Variants in MARCHF1 observed in about 807,000 individuals in gnomAD.
The protein encoded by MARCHF1 is E3 ubiquitin-protein ligase MARCHF1.
A neutral mutation model predicts 54.2 loss-of-function variants in MARCHF1; 40 were observed. That is an observed-to-expected ratio of 0.74 (90% CI 0.57 to 0.96). The LOEUF (loss-of-function observed/expected upper bound fraction) is 0.96. Ranked by LOEUF, MARCHF1 falls within the 40% of genes least tolerant of loss-of-function variation. MARCHF1 has a pLI of 0.00. For synonymous variants in MARCHF1, 236 were observed against 236.3 expected (o/e 1.00, Z 0.01); for missense variants, 586 against 656.5 (o/e 0.89, Z 1.17).
At chr4:164,022,692 C>A (rs866996147) in intron 2 of MARCHF1, among the ~76,000 whole-genome samples, 39 of 152,192 alleles carry the variant, frequency 2.6e-4, no homozygotes, top group Admixed American at 2.6e-3. Flanking sequence ...CGGCGGAGTG[C>A]GGCCATAGCT....
At chr4:164,052,296 G>T (rs1754389318) in intron 2 of MARCHF1, among the ~76,000 whole-genome samples, 1 of 152,050 alleles carries the variant, frequency 6.6e-6, no homozygotes, top group East Asian at 1.9e-4. Flanking sequence ...TTAGGGGAGG[G>T]TGAGGTGGGT....
At chr4:163,607,049 T>C (rs1741167861) in intron 7 of MARCHF1, among the ~76,000 whole-genome samples, 1 of 152,036 alleles carries the variant, frequency 6.6e-6, no homozygotes, top group Non-Finnish European at 1.5e-5. Flanking sequence ...TATAGGAAGT[T>C]TGTCTGCAGT....
At position 164,323,597 on chromosome 4, in the gene MARCHF1, C is replaced by CAAA. The variant is rs70952622; in HGVS notation, c.-323+60270_-323+60272dup. ...CACTGATTAAGGAGAGGATGAGTAGCAAAAAAAAAAAAAAAAAAAAAAAAA... is the reference window on the plus strand; with the variant it reads ...CACTGATTAAGGAGAGGATGAGTAGCAAAAAAAAAAAAAAAAAAAAAAAAAAAA... On this transcript the variant is annotated intron_variant, in intron 1 of 9. Transcript: ENST00000514618. Among the ~76,000 whole-genome samples, 38 of 30,948 alleles carry CAAA rather than the reference C, an allele frequency of 1.2e-3. 10 individuals carry two copies. The East Asian group carries it at 0.019, about 16-fold the overall frequency. The allele number at this position is 30,948 out of a possible 152,430, so 20.3% of individuals were successfully genotyped here.
intron 8 of MARCHF1, chr4:163,585,095 TTTC>T (rs1023957336): frequency 3.3e-5 from 5 of 152,232 alleles, no homozygotes; most frequent in African/African-American, 1.2e-4. Context: ...CAGTCTTACC[TTTC>T]TTCTTCAGAA....
intron 4 of MARCHF1, among the ~76,000 whole-genome samples, chr4:163,763,033 T>C (rs1315819757): frequency 1.3e-5 from 2 of 152,094 alleles, no homozygotes; most frequent in Non-Finnish European, 2.9e-5. Context: ...CTGAGCACAA[T>C]TTTACCATTT....
intron 4 of MARCHF1, among the ~76,000 whole-genome samples, chr4:163,784,592 T>TTTCTACCTATGCCATTGA (rs1390208799): frequency 6.6e-6 from 1 of 151,696 alleles, no homozygotes; most frequent in Admixed American, 6.6e-5. Flanking sequence ...AGTAGATCTG[T>TTTCTACCTATGCCATTGA]TTCTACCTAT....
intron 4 of MARCHF1, among the ~76,000 whole-genome samples, chr4:163,834,959 A>G (rs910494965): frequency 6.6e-5 from 10 of 152,028 alleles, no homozygotes; most frequent in African/African-American, 2.4e-4. Context: ...GTAGCTCACT[A>G]TAACCTTGAA....
chr4:163,969,393 T>A (rs1285481453), intron 3 of MARCHF1, among the ~76,000 whole-genome samples: 1 of 152,182 alleles, frequency 6.6e-6, no homozygotes, highest in African/African-American at 2.4e-5. Flanking sequence ...TTCAAAGAGA[T>A]CCTTGTCAGT....
chr4:164,130,696 T>C (rs1432391154), intron 1 of MARCHF1, among the ~76,000 whole-genome samples: 1 of 152,148 alleles, frequency 6.6e-6, no homozygotes, highest in Non-Finnish European at 1.5e-5. Context: ...TTACAGAAAT[T>C]AAATGACTTC....
intron 3 of MARCHF1, among the ~76,000 whole-genome samples, chr4:163,933,397 T>C (rs1488309855): frequency 6.6e-6 from 1 of 152,224 alleles, no homozygotes; most frequent in Non-Finnish European, 1.5e-5. Context: ...CACTGCAGCA[T>C]TGGGAAAACT....
chr4:164,242,644 CTG>C (rs1209326105), intron 1 of MARCHF1, among the ~76,000 whole-genome samples: 6 of 151,624 alleles, frequency 4.0e-5, no homozygotes, highest in African/African-American at 1.5e-4. Context: ...CTTTGATGAG[CTG>C]TGAGAAGAAG....
At chr4:163,572,341 A>G (rs924954887) in intron 8 of MARCHF1, among the ~76,000 whole-genome samples, 2 of 149,180 alleles carry the variant, frequency 1.3e-5, no homozygotes, top group African/African-American at 4.9e-5. Flanking sequence ...TTTTAAATAA[A>G]TTGATTCTTC....
chr4:164,188,756 T>C, intron 1 of MARCHF1: 2 of 960,460 alleles, frequency 2.1e-6, no homozygotes, highest in Non-Finnish European at 3.4e-6. Flanking sequence ...AACTAAACCA[T>C]ACGTTCAAGT....
At chr4:164,364,526 G>A (rs75524287) in intron 1 of MARCHF1, among the ~76,000 whole-genome samples, 131 of 152,004 alleles carry the variant, frequency 8.6e-4, no homozygotes, top group African/African-American at 2.7e-3. Context: ...CATATTTAAC[G>A]TTGAACATAC....
intron 3 of MARCHF1, among the ~76,000 whole-genome samples, chr4:163,914,173 T>G (rs1751257133): frequency 6.6e-6 from 1 of 152,128 alleles, no homozygotes; most frequent in Non-Finnish European, 1.5e-5. Context: ...CAAAGTACAC[T>G]TCAAGCTCAT....
At chr4:164,005,523 A>G (rs113602037) in intron 2 of MARCHF1, among the ~76,000 whole-genome samples, 43 of 152,216 alleles carry the variant, frequency 2.8e-4, no homozygotes, top group African/African-American at 1.0e-3. Flanking sequence ...GTGCATGGTA[A>G]TCTTCCCCCA....
intron 1 of MARCHF1, among the ~76,000 whole-genome samples, chr4:164,116,169 A>G (rs1236387545): frequency 1.3e-5 from 2 of 152,142 alleles, no homozygotes; most frequent in Non-Finnish European, 2.9e-5. Context: ...TAAAATCTCA[A>G]AACTGTCATG....
At position 163,728,472 on chromosome 4, in the gene MARCHF1, C is replaced by T. The variant is rs372471112; in HGVS notation, c.112-27609G>A. On this transcript the variant is annotated intron_variant, in intron 4 of 9. Coordinates refer to ENST00000514618, the MANE Select transcript of MARCHF1 (RefSeq NM_001394959.1). ...CTCTAGTTCCTCTTTGATTTCTTTT[C>T]GTAGTTTTGGGGTTCTTTTTTCACA... is the stretch of plus-strand genomic sequence containing the variant. Among the ~76,000 whole-genome samples, 317 of 152,198 alleles carry T rather than the reference C, an allele frequency of 2.1e-3. 3 individuals are homozygous for T. Among genetic ancestry groups the T allele is most frequent in the African/African-American group, 7.1e-3 (295 of 41,554 alleles).
At chr4:164,047,370 C>T (rs376838252) in intron 2 of MARCHF1, among the ~76,000 whole-genome samples, 1 of 152,288 alleles carries the variant, frequency 6.6e-6, no homozygotes, top group African/African-American at 2.4e-5. Flanking sequence ...GATAAGAGCC[C>T]AGACCAGCCA....
Sources: gnomAD v4.1 joint callset for allele counts (sites outside exome capture counted in the v4.1 genomes callset) on GRCh38, gnomAD v4.1.1 for gene constraint, MANE v1.5 for transcripts, NCBI Gene and HGNC (gene_info 2026-07-23, HGNC 2026-07-21) for gene names.